The following LRRN2 variants were observed in gnomAD, a reference collection of about 807,000 sequenced individuals.
The protein encoded by LRRN2 is leucine-rich repeat neuronal protein 2.
In LRRN2, 10 loss-of-function variants were observed where a neutral mutation model predicts 35.7. The ratio of observed to expected loss-of-function variants is 0.28; its 90% CI spans 0.17 to 0.47. The LOEUF (loss-of-function observed/expected upper bound fraction) is 0.47. LRRN2 is among the 20% of genes least tolerant of loss of function. LRRN2 has a pLI of 0.99. For missense variants in LRRN2, 731 were observed against 940.3 expected (o/e 0.78, Z 2.91); for synonymous variants, 391 against 409.6 (o/e 0.95, Z 0.55).
At chr1:204,673,171 G>A (rs748045543) in intron 1 of LRRN2, among the ~76,000 whole-genome samples, 40 of 152,170 alleles carry the variant, frequency 2.6e-4, no homozygotes, top group Non-Finnish European at 4.7e-4. Context: ...CCTGTACTTT[G>A]TGCACAGTAG....
In LRRN2 at chr1:204,619,246, C is replaced by T. The variant is rs1389552909; in HGVS notation, c.747G>A (p.Leu249=). The T allele has an allele frequency of 6.2e-6, 10 of 1,614,022 alleles. No homozygotes were observed. Among genetic ancestry groups the T allele is most frequent in the Non-Finnish European group, 8.5e-6 (10 of 1,180,050 alleles). The change falls in exon 2 of 2, where the codon CTG becomes CTA. Residue 249 remains leucine (L), a synonymous_variant. Coordinates refer to ENST00000367177, the MANE Select transcript of LRRN2 (RefSeq NM_201630.2). ...CCAGTGCCCGCCTGGGCACCCGGGC[C>T]AGCTGGTTGTCATAGAAGGAGAGGC... ...LESLSFYDNQ[L]ARVPRRALEQ...
At chr1:204,674,370 G>A (rs1313006793) in intron 1 of LRRN2, among the ~76,000 whole-genome samples, 1 of 150,838 alleles carries the variant, frequency 6.6e-6, no homozygotes, top group African/African-American at 2.4e-5. Context: ...TACCACACAT[G>A]CCAATAAGTC....
In LRRN2 at chr1:204,617,599, C is replaced by T; in HGVS notation, c.*252G>A. On this transcript the variant is annotated 3_prime_UTR_variant, in exon 2 of 2. Coordinates refer to ENST00000367177, the MANE Select transcript of LRRN2 (RefSeq NM_201630.2). ...AGATGGGGAGGCAGGAGGCTCTAGC[C>T]AAAGTCCCTCCTGTTCCTTGGAGAT... 1 of 505,346 alleles carries T rather than the reference C, an allele frequency of 2.0e-6. No homozygotes were observed. Among genetic ancestry groups the T allele is most frequent in the Non-Finnish European group, 3.5e-6 (1 of 282,480 alleles). 31.3% of individuals were successfully genotyped at this position (505,346 alleles called of 1,614,324 possible).
intron 1 of LRRN2, among the ~76,000 whole-genome samples, chr1:204,634,785 A>T (rs149709539): frequency 0.013 from 1,994 of 152,334 alleles, 24 homozygotes; most frequent in Non-Finnish European, 0.018. Context: ...TGTTGTTTTA[A>T]GCCATCCAGT....
intron 1 of LRRN2, among the ~76,000 whole-genome samples, chr1:204,676,605 T>A (rs1668830530): frequency 6.6e-6 from 1 of 152,106 alleles, no homozygotes; most frequent in Non-Finnish European, 1.5e-5. Flanking sequence ...ACAGCCCCGG[T>A]GTTTTATGAT....
At chr1:204,671,642 TAAA>T (rs35192809) in intron 1 of LRRN2, among the ~76,000 whole-genome samples, 199 of 30,256 alleles carry the variant, frequency 6.6e-3, no homozygotes, top group African/African-American at 0.026. Context: ...TAATTGATGG[TAAA>T]AAAAAAAAAA....
Position 204,619,121 on chromosome 1 carries a change from C to G in LRRN2, c.872G>C (p.Gly291Ala). 1.9e-6 allele frequency: 3 copies of G among 1,612,972 alleles called. No homozygotes were observed. The highest frequency in any genetic ancestry group is 2.5e-6 in the Non-Finnish European group (3 of 1,179,486). ...GACCAGCTCCTCCATGTTGTTCAGTCCCAGCTCCTTAAGGTGCAGCATGTT... is the reference window on the plus strand; with the variant it reads ...GACCAGCTCCTCCATGTTGTTCAGTGCCAGCTCCTTAAGGTGCAGCATGTT... ...FANMLHLKEL[G>A]LNNMEELVSI... Residue 291 changes from glycine to alanine, a missense_variant, in exon 2 of 2, where the codon GGA (glycine) becomes GCA (alanine). Gly to Ala is a moderately conservative substitution (Grantham distance 60). Coordinates refer to ENST00000367177, the MANE Select transcript of LRRN2 (RefSeq NM_201630.2).
At chr1:204,661,636 G>A (rs930031741) in intron 1 of LRRN2, among the ~76,000 whole-genome samples, 1 of 152,140 alleles carries the variant, frequency 6.6e-6, no homozygotes, top group African/African-American at 2.4e-5. Context: ...ACCACACAGG[G>A]GCTTGAACAT....
chr1:204,674,723 C>T (rs1668786612), intron 1 of LRRN2, among the ~76,000 whole-genome samples: 1 of 152,190 alleles, frequency 6.6e-6, no homozygotes, highest in African/African-American at 2.4e-5. Context: ...GAGCAGGTGG[C>T]TGTGAGAAAG....
At chr1:204,653,969 G>C (rs770878786) in intron 1 of LRRN2, among the ~76,000 whole-genome samples, 2 of 149,230 alleles carry the variant, frequency 1.3e-5, no homozygotes, top group Non-Finnish European at 1.5e-5. Context: ...CTAGGAGTTC[G>C]AGGCTGCAGT....
At chr1:204,673,316 G>T (rs2815827) in intron 1 of LRRN2, among the ~76,000 whole-genome samples, 99,518 of 152,022 alleles carry the variant, frequency 0.65, 33,856 homozygotes, top group Non-Finnish European at 0.75. Flanking sequence ...ATAATTAAAA[G>T]ATGACTTTTT....
chr1:204,632,981 G>A (rs1177293725), intron 1 of LRRN2, among the ~76,000 whole-genome samples: 1 of 152,042 alleles, frequency 6.6e-6, no homozygotes, highest in Non-Finnish European at 1.5e-5. Flanking sequence ...ATGTTGCTAT[G>A]GTCTGAATAT....
intron 1 of LRRN2, among the ~76,000 whole-genome samples, chr1:204,637,644 AC>A (rs1667865746): frequency 2.8e-5 from 3 of 108,752 alleles, no homozygotes; most frequent in African/African-American, 1.1e-4. Context: ...GCAGCACGTG[AC>A]GTGTGTGTGT....
chr1:204,647,359 A>G (rs1668128534), intron 1 of LRRN2, among the ~76,000 whole-genome samples: 1 of 152,356 alleles, frequency 6.6e-6, no homozygotes. Context: ...TACTACCATC[A>G]GAGTGACTGA....
chr1:204,685,272 C>CCGG (rs1243710398), intron 1 of LRRN2, 48 bp downstream of exon 1: 3 of 152,264 alleles, frequency 2.0e-5, no homozygotes, highest in South Asian at 2.1e-4. Context: ...CCACGATTCC[C>CCGG]CGGCGGCGGC....
intron 1 of LRRN2, among the ~76,000 whole-genome samples, chr1:204,675,465 T>G (rs1412400781): frequency 6.6e-6 from 1 of 152,344 alleles, no homozygotes; most frequent in South Asian, 2.1e-4. Flanking sequence ...TTTCCCAGCT[T>G]CTTAGACAGG....
In LRRN2 at chr1:204,619,975, G is replaced by C; in HGVS notation, c.18C>G (p.Ala6=). Reference sequence around the variant, plus strand: ...CAGCCACCCAAGCTAGCAAGAGTGGGGCCACGAGAAGCCTCATGGTGGAGC... The same window carrying C: ...CAGCCACCCAAGCTAGCAAGAGTGGCGCCACGAGAAGCCTCATGGTGGAGC... The part of the protein sequence containing the change: MRLLV[A]PLLLAWVAGA... The change falls in exon 2 of 2, where the codon GCC becomes GCG. Residue 6 remains alanine (A), a synonymous_variant. Transcript: ENST00000367177. 2 of 1,610,580 alleles carry C rather than the reference G, an allele frequency of 1.2e-6. No individual in the cohort carries two copies. Among genetic ancestry groups the C allele is most frequent in the South Asian group, 1.1e-5 (1 of 90,322 alleles).
At chr1:204,676,892 G>A (rs1668836072) in intron 1 of LRRN2, among the ~76,000 whole-genome samples, 1 of 152,134 alleles carries the variant, frequency 6.6e-6, no homozygotes, top group Admixed American at 6.5e-5. Context: ...GAAAGATTTG[G>A]GGGCTGAATT....
rs182990999 is a variant in LRRN2, at chr1:204,619,350, G to T, written c.643C>A (p.Leu215Met). The T allele has an allele frequency of 1.2e-6, 2 of 1,614,262 alleles. No homozygotes were observed. Among genetic ancestry groups the T allele is most frequent in the Non-Finnish European group, 1.7e-6 (2 of 1,180,052 alleles). Residue 215 changes from leucine (L) to methionine (M), a missense_variant, in exon 2 of 2, where the codon CTG becomes ATG. Coordinates refer to ENST00000367177, the MANE Select transcript of LRRN2 (RefSeq NM_201630.2). ...LDMNFRPLAN[L>M]RSLVLAGMNL... ...ATGCCTGCTAGCACCAGGCTACGCAGGTTGGCCAGGGGCCGGAAGTTCATG... is the reference window on the plus strand; with the variant it reads ...ATGCCTGCTAGCACCAGGCTACGCATGTTGGCCAGGGGCCGGAAGTTCATG...
Sources: allele counts gnomAD v4.1 joint callset (sites outside exome capture counted in the v4.1 genomes callset), GRCh38; gene constraint gnomAD v4.1.1; transcripts MANE v1.5; gene names NCBI Gene and HGNC (gene_info 2026-07-23, HGNC 2026-07-21).